The following FRMD5 variants were observed in gnomAD, a reference collection of about 807,000 sequenced individuals.
FRMD5 encodes the protein FERM domain containing 5, also known as FERM domain-containing protein 5.
FRMD5 carries 20 observed loss-of-function variants against 69.0 expected under a neutral mutation model. The observed-to-expected ratio is 0.29, with a 90% CI of 0.20 to 0.42. The LOEUF (loss-of-function observed/expected upper bound fraction) is 0.42. Among genes scored for constraint, FRMD5 ranks in the 10% least tolerant of loss-of-function variants. The probability of loss-of-function intolerance (pLI) is 1.00; values close to 1 mark genes in which losing one functional copy is unlikely to be tolerated. For missense variants in FRMD5, 595 were observed against 708.6 expected (o/e 0.84, Z 1.82); for synonymous variants, 271 against 260.1 (o/e 1.04, Z -0.40).
intron 1 of FRMD5, among the ~76,000 whole-genome samples, chr15:44,149,769 G>A (rs1038373460): frequency 1.3e-5 from 2 of 152,088 alleles, no homozygotes; most frequent in African/African-American, 4.8e-5. Flanking sequence ...TGAAAGAAAT[G>A]AAAGGAGGTA....
intron 1 of FRMD5, among the ~76,000 whole-genome samples, chr15:43,981,083 G>A (rs548876444): frequency 5.9e-5 from 9 of 152,178 alleles, no homozygotes; most frequent in African/African-American, 1.9e-4. Flanking sequence ...TGATGTGATC[G>A]TCACTCACTG....
At chr15:44,088,159 T>C (rs1444512318) in intron 1 of FRMD5, among the ~76,000 whole-genome samples, 4 of 152,174 alleles carry the variant, frequency 2.6e-5, no homozygotes, top group Admixed American at 6.5e-5. Context: ...TATTGAGATA[T>C]AATTCACAAT....
At chr15:43,977,414 CTT>C (rs921005201) in intron 1 of FRMD5, among the ~76,000 whole-genome samples, 7 of 152,130 alleles carry the variant, frequency 4.6e-5, no homozygotes, top group Non-Finnish European at 8.8e-5. Context: ...TGTAGGTTCT[CTT>C]TGACTACTTC....
At chr15:43,955,012 T>C (rs1379790806) in intron 1 of FRMD5, among the ~76,000 whole-genome samples, 1 of 152,238 alleles carries the variant, frequency 6.6e-6, no homozygotes, top group Non-Finnish European at 1.5e-5. Context: ...CTCCTTTTGA[T>C]TGTGGAACAC....
At chr15:43,956,643 T>C (rs139358284) in intron 1 of FRMD5, among the ~76,000 whole-genome samples, 36 of 152,364 alleles carry the variant, frequency 2.4e-4, no homozygotes, top group African/African-American at 7.7e-4. Context: ...TAAAATGTAA[T>C]TGCCTATATT....
chr15:43,914,242 T>C (rs1015217278), intron 4 of FRMD5, among the ~76,000 whole-genome samples: 1 of 152,202 alleles, frequency 6.6e-6, no homozygotes, highest in African/African-American at 2.4e-5. Context: ...TGGAAAGCAC[T>C]GGAGGCTCCT....
chr15:43,960,528 C>T (rs534745479), intron 1 of FRMD5, among the ~76,000 whole-genome samples: 33 of 152,212 alleles, frequency 2.2e-4, no homozygotes, highest in African/African-American at 7.0e-4. Flanking sequence ...GGATTACAGG[C>T]GTGAGCCACA....
At chr15:44,005,818 C>T (rs1471831257) in intron 1 of FRMD5, among the ~76,000 whole-genome samples, 1 of 152,158 alleles carries the variant, frequency 6.6e-6, no homozygotes, top group South Asian at 2.1e-4. Context: ...CAGGCCCTAC[C>T]TCCAGCACTG....
At chr15:43,904,872 G>A (rs529814998) in intron 6 of FRMD5, among the ~76,000 whole-genome samples, 1 of 152,288 alleles carries the variant, frequency 6.6e-6, no homozygotes, top group African/African-American at 2.4e-5. Context: ...AGTAAGAGAA[G>A]CTGAGAAAGA....
intron 1 of FRMD5, among the ~76,000 whole-genome samples, chr15:43,965,111 C>T (rs1180856223): frequency 6.6e-6 from 1 of 152,130 alleles, no homozygotes; most frequent in East Asian, 1.9e-4. Flanking sequence ...ACAGGGATTC[C>T]AGCGATATTT....
At chr15:43,941,141 C>T (rs757712921) in intron 1 of FRMD5, among the ~76,000 whole-genome samples, 4 of 152,096 alleles carry the variant, frequency 2.6e-5, no homozygotes, top group South Asian at 2.1e-4. Context: ...GGCCAAGAAG[C>T]GGATTGCTTG....
chr15:43,893,194 G>A (rs914307267), intron 7 of FRMD5, among the ~76,000 whole-genome samples: 1 of 152,116 alleles, frequency 6.6e-6, no homozygotes, highest in African/African-American at 2.4e-5. Flanking sequence ...TAAAGAGTGG[G>A]GGAGTTGTTA....
intron 13 of FRMD5, among the ~76,000 whole-genome samples, chr15:43,883,445 T>C (rs191802848): frequency 9.9e-5 from 15 of 152,244 alleles, no homozygotes; most frequent in East Asian, 3.9e-4. Flanking sequence ...ATGGAACCTA[T>C]AGATCCCACA....
chr15:44,061,795 AT>A (rs2140381717), intron 1 of FRMD5, among the ~76,000 whole-genome samples: 1 of 152,294 alleles, frequency 6.6e-6, no homozygotes, highest in African/African-American at 2.4e-5. Context: ...ATGCATTAAC[AT>A]TTCCCATATG....
chr15:44,078,227 C>T (rs997392292), intron 1 of FRMD5, among the ~76,000 whole-genome samples: 1 of 152,038 alleles, frequency 6.6e-6, no homozygotes, highest in Non-Finnish European at 1.5e-5. Flanking sequence ...TTTTCAAATT[C>T]TTTATCCTGT....
chr15:44,072,092 T>C (rs1017290764), intron 1 of FRMD5, among the ~76,000 whole-genome samples: 3 of 152,124 alleles, frequency 2.0e-5, no homozygotes, highest in African/African-American at 7.2e-5. Flanking sequence ...TCTCTAACTC[T>C]TGACCTCAGG....
At chr15:44,121,520 T>C (rs1262451965) in intron 1 of FRMD5, among the ~76,000 whole-genome samples, 2 of 152,132 alleles carry the variant, frequency 1.3e-5, no homozygotes, top group Non-Finnish European at 2.9e-5. Flanking sequence ...TTAAGATCTG[T>C]AGTCCCCAAT....
chr15:43,904,467 C>A (rs2089123088), intron 6 of FRMD5, among the ~76,000 whole-genome samples: 1 of 152,104 alleles, frequency 6.6e-6, no homozygotes, highest in Non-Finnish European at 1.5e-5. Context: ...CTCCCAGGTT[C>A]AAGTAATTCT....
intron 1 of FRMD5, among the ~76,000 whole-genome samples, chr15:43,943,004 G>C (rs1360200263): frequency 2.6e-5 from 4 of 152,202 alleles, no homozygotes; most frequent in Non-Finnish European, 4.4e-5. Context: ...CACTTTGGGA[G>C]GCCGAGGTGG....
Sources: allele counts gnomAD v4.1 joint callset (sites outside exome capture counted in the v4.1 genomes callset), GRCh38; gene constraint gnomAD v4.1.1; transcripts MANE v1.5; gene names NCBI Gene and HGNC (gene_info 2026-07-23, HGNC 2026-07-21).